The following SIPA1L1 variants were observed in gnomAD, a reference collection of about 807,000 sequenced individuals.
SIPA1L1 encodes the protein signal-induced proliferation-associated 1-like protein 1.
SIPA1L1 carries 26 observed loss-of-function variants against 162.7 expected under a neutral mutation model. That is an observed-to-expected ratio of 0.16 (90% CI 0.12 to 0.22). SIPA1L1 has a LOEUF of 0.22. SIPA1L1 is among the 10% of genes least tolerant of loss of function. The probability of loss-of-function intolerance (pLI) is 1.00; values close to 1 mark genes in which losing one functional copy is unlikely to be tolerated. For synonymous variants in SIPA1L1, 829 were observed against 837.4 expected (o/e 0.99, Z 0.17); for missense variants, 1,874 against 2,241.0 (o/e 0.84, Z 3.31).
chr14:71,353,019 G>T (rs1042729346), intron 2 of SIPA1L1, among the ~76,000 whole-genome samples: 1 of 152,146 alleles, frequency 6.6e-6, no homozygotes, highest in African/African-American at 2.4e-5. Context: ...GTGGTTAAAT[G>T]ACCATATACA....
intron 13 of SIPA1L1, among the ~76,000 whole-genome samples, chr14:71,694,717 C>G (rs1388698246): frequency 6.6e-6 from 1 of 152,186 alleles, no homozygotes; most frequent in Non-Finnish European, 1.5e-5. Flanking sequence ...ATGGAAAGAT[C>G]TCACAGCAAT....
chr14:71,342,833 G>A (rs1231960487), intron 2 of SIPA1L1, among the ~76,000 whole-genome samples: 1 of 152,098 alleles, frequency 6.6e-6, no homozygotes, highest in African/African-American at 2.4e-5. Flanking sequence ...ATTTTTGGTG[G>A]TATAATAACT....
Position 71,588,163 on chromosome 14 carries a change from C to G in SIPA1L1, c.291C>G (p.Ser97Arg). ...KENIKESSRS[S>R]QEIETSSCLD... ...ACATAAAAGAATCTAGCCGTTCAAG[C>G]CAGGAAATAGAAACCTCAAGTTGCC... Residue 97 changes from serine (S) to arginine (R), a missense_variant, in exon 5 of 24, where the codon AGC becomes AGG. Physicochemically the swap from Ser to Arg is moderately radical, Grantham distance 110. Transcript: ENST00000381232. The surrounding 1 kb of genome is among the most constrained non-coding windows in gnomAD (Gnocchi z 4.3). The G allele has an allele frequency of 6.2e-7, 1 of 1,614,172 alleles. No homozygotes were observed. The highest frequency in any genetic ancestry group is 1.1e-5 in the South Asian group (1 of 91,084).
intron 4 of SIPA1L1, among the ~76,000 whole-genome samples, chr14:71,557,953 G>A (rs980405418): frequency 2.0e-5 from 3 of 152,182 alleles, no homozygotes; most frequent in Admixed American, 1.3e-4. Context: ...TAATTATTAA[G>A]TGTTGGTTTG....
chr14:71,429,275 T>A (rs1163445774), intron 2 of SIPA1L1, among the ~76,000 whole-genome samples: 1 of 152,206 alleles, frequency 6.6e-6, no homozygotes, highest in Non-Finnish European at 1.5e-5. Context: ...TCGTCCTGGT[T>A]CTCTGGCTTG....
At chr14:71,552,136 C>T (rs912093578) in intron 4 of SIPA1L1, among the ~76,000 whole-genome samples, 5 of 152,050 alleles carry the variant, frequency 3.3e-5, no homozygotes, top group Admixed American at 6.5e-5. Context: ...TAGGACAGTT[C>T]ACAGAACAAG....
chr14:71,379,312 T>C (rs371191592), intron 2 of SIPA1L1, among the ~76,000 whole-genome samples: 2 of 151,916 alleles, frequency 1.3e-5, no homozygotes, highest in South Asian at 4.2e-4. Flanking sequence ...TTTTTTTTTT[T>C]TTCCTTTAAG....
At position 71,597,484 on chromosome 14, in the gene SIPA1L1, A is replaced by T. The variant is rs2036177936; in HGVS notation, c.1498+8114A>T. The stretch of plus-strand genomic sequence containing the variant: ...TGATCTTTATCACATTTATGAATAA[A>T]TGCTGAGGTGGCTTATTGTAAATGG... On this transcript the variant is annotated intron_variant, in intron 5 of 23. Transcript: ENST00000381232. 2.6e-5 allele frequency among the ~76,000 whole-genome samples: 4 copies of T among 152,096 alleles called. No homozygotes were observed. In the South Asian group the frequency reaches 8.3e-4, roughly 32 times the overall value.
chr14:71,594,910 T>C (rs1451797417), intron 5 of SIPA1L1, among the ~76,000 whole-genome samples: 1 of 152,194 alleles, frequency 6.6e-6, no homozygotes, highest in Non-Finnish European at 1.5e-5. Context: ...GCTCAGGGCT[T>C]CCAGAAGCAA....
intron 4 of SIPA1L1, among the ~76,000 whole-genome samples, chr14:71,536,978 A>C (rs1392527860): frequency 6.6e-6 from 1 of 152,054 alleles, no homozygotes; most frequent in East Asian, 1.9e-4. Context: ...TAGATTTTGT[A>C]TGGTCATATG....
intron 2 of SIPA1L1, among the ~76,000 whole-genome samples, chr14:71,335,103 A>G (rs2034951483): frequency 6.6e-6 from 1 of 152,170 alleles, no homozygotes; most frequent in Non-Finnish European, 1.5e-5. Context: ...GATCAAGACC[A>G]TCCTGGCTAG....
intron 2 of SIPA1L1, among the ~76,000 whole-genome samples, chr14:71,502,249 A>ATATATATATAT (rs1567114570): frequency 6.0e-5 from 4 of 67,076 alleles, no homozygotes; most frequent in East Asian, 5.2e-4. Context: ...CTTGAAAAAA[A>ATATATATATAT]AAAAAAATAT....
At chr14:71,616,648 G>A (rs1231079551) in intron 5 of SIPA1L1, among the ~76,000 whole-genome samples, 1 of 152,182 alleles carries the variant, frequency 6.6e-6, no homozygotes, top group African/African-American at 2.4e-5. Context: ...GTGAATTTGT[G>A]TGGATGGTGA....
At chr14:71,425,775 T>A (rs1400391486) in intron 2 of SIPA1L1, among the ~76,000 whole-genome samples, 1 of 152,182 alleles carries the variant, frequency 6.6e-6, no homozygotes, top group Non-Finnish European at 1.5e-5. Flanking sequence ...AGTTGTTCCA[T>A]CCATTATTGA....
chr14:71,511,886 G>A (rs775753941), intron 2 of SIPA1L1, among the ~76,000 whole-genome samples: 1 of 152,128 alleles, frequency 6.6e-6, no homozygotes, highest in Admixed American at 6.5e-5. Flanking sequence ...GAGAGCTCCC[G>A]GGTTGGTGAA....
chr14:71,353,099 A>G (rs895975668), intron 2 of SIPA1L1, among the ~76,000 whole-genome samples: 3 of 152,256 alleles, frequency 2.0e-5, no homozygotes, highest in African/African-American at 4.8e-5. Flanking sequence ...TTATATGTCA[A>G]TAAATAAAAT....
At chr14:71,359,967 G>GC (rs761220930) in intron 2 of SIPA1L1, among the ~76,000 whole-genome samples, 2 of 152,140 alleles carry the variant, frequency 1.3e-5, no homozygotes, top group Non-Finnish European at 1.5e-5. Context: ...CAACATTGTG[G>GC]CCCAAAAAGT....
At chr14:71,693,086 C>T (rs2081361929) in intron 13 of SIPA1L1, among the ~76,000 whole-genome samples, 1 of 152,148 alleles carries the variant, frequency 6.6e-6, no homozygotes, top group African/African-American at 2.4e-5. Context: ...AGAAATGTTT[C>T]AAATTTCAAT....
At chr14:71,732,647 G>A (rs1178450620) in intron 20 of SIPA1L1, among the ~76,000 whole-genome samples, 3 of 152,242 alleles carry the variant, frequency 2.0e-5, no homozygotes, top group African/African-American at 7.2e-5. Context: ...CTTAGGAAGA[G>A]CTTGGGATGT....
Sources: gnomAD v4.1 joint callset for allele counts (sites outside exome capture counted in the v4.1 genomes callset) on GRCh38, gnomAD v4.1.1 for gene constraint, Gnocchi (gnomAD v3.1) non-coding constraint, MANE v1.5 for transcripts, NCBI Gene and HGNC (gene_info 2026-07-23, HGNC 2026-07-21) for gene names.